The following HIP1 variants were observed in gnomAD, a reference collection of about 807,000 sequenced individuals.
HIP1 encodes the protein huntingtin interacting protein 1, also known as huntingtin-interacting protein 1.
Under a neutral mutation model 147.6 loss-of-function variants are expected in HIP1, and 65 were observed. The observed-to-expected ratio is 0.44, with a 90% CI of 0.36 to 0.54. The LOEUF (loss-of-function observed/expected upper bound fraction) is 0.54. Among genes scored for constraint, HIP1 ranks in the 20% least tolerant of loss-of-function variants. HIP1 has a pLI of 0.00. For missense variants in HIP1, 1,061 were observed against 1,299.6 expected, an observed-to-expected ratio of 0.82 and a Z score of 2.82; for synonymous variants, 479 against 504.0, an observed-to-expected ratio of 0.95 and a Z score of 0.67.
chr7:75,727,789 T>G (rs1315510461), intron 1 of HIP1, among the ~76,000 whole-genome samples: 2 of 147,404 alleles, frequency 1.4e-5, no homozygotes, highest in Non-Finnish European at 3.0e-5. Flanking sequence ...GAGGTTGCAG[T>G]GAGCTGAGAT....
intron 1 of HIP1, among the ~76,000 whole-genome samples, chr7:75,730,636 G>C (rs1801809383): frequency 6.6e-6 from 1 of 151,908 alleles, no homozygotes; most frequent in African/African-American, 2.4e-5. Context: ...ACCGTGTCCA[G>C]CCTAAAATAG....
At chr7:75,662,965 C>T (rs1218356979) in intron 1 of HIP1, among the ~76,000 whole-genome samples, 4 of 152,152 alleles carry the variant, frequency 2.6e-5, no homozygotes, top group African/African-American at 9.7e-5. Flanking sequence ...CACCGGCGAC[C>T]CATGCTGAGG....
intron 5 of HIP1, among the ~76,000 whole-genome samples, chr7:75,585,185 CTTTTT>C (rs71098036): frequency 7.5e-6 from 1 of 133,448 alleles, no homozygotes; most frequent in Non-Finnish European, 1.6e-5. Context: ...CCCAAAACGT[CTTTTT>C]TTTTTTTTTT....
chr7:75,574,976 G>A (rs369879541), intron 7 of HIP1, among the ~76,000 whole-genome samples: 13 of 151,514 alleles, frequency 8.6e-5, no homozygotes, highest in African/African-American at 3.2e-4. Context: ...TGAGCAACAT[G>A]GCAAAACCTT....
chr7:75,597,978 G>T (rs1428524624), intron 2 of HIP1, among the ~76,000 whole-genome samples: 1 of 151,950 alleles, frequency 6.6e-6, no homozygotes, highest in East Asian at 1.9e-4. Flanking sequence ...GGTGTGGTGG[G>T]CTTACAGAGG....
chr7:75,656,433 G>GA (rs34354618), intron 1 of HIP1, among the ~76,000 whole-genome samples: 72,616 of 133,778 alleles, frequency 0.54, 18,965 homozygotes, highest in African/African-American at 0.65. Flanking sequence ...TATAAACTTA[G>GA]AAAAAAAAAA....
chr7:75,632,872 T>C (rs1220415681), intron 1 of HIP1, among the ~76,000 whole-genome samples: 1 of 152,188 alleles, frequency 6.6e-6, no homozygotes, highest in East Asian at 1.9e-4. Context: ...TGGATGGAGC[T>C]GGAAGCTGTT....
chr7:75,543,050 G>C, intron 27 of HIP1, 76 bp from the exon 28 acceptor site: 1 of 1,464,836 alleles, frequency 6.8e-7, no homozygotes, highest in South Asian at 1.3e-5. Context: ...TGCTCTGATG[G>C]TTCTTAGCAA....
Position 75,539,322 on chromosome 7 carries a change from C to A in HIP1, c.3061+1G>T. ...AGTGCCCATCCTTGGAGTCAGCTTA[C>A]CTTCTTCCCAGCCCTCAGCAACACC... On this transcript the variant is annotated splice_donor_variant, in intron 30 of 30. Transcript: ENST00000336926. LOFTEE classifies it high-confidence loss of function. 2 of 1,612,426 alleles carry A rather than the reference C, an allele frequency of 1.2e-6. No individual in the cohort carries two copies. The highest frequency in any genetic ancestry group is 1.7e-6 in the Non-Finnish European group (2 of 1,178,468).
In HIP1 at chr7:75,699,972, T is replaced by A. The variant is rs1409962120; in HGVS notation, c.120+38829A>T. ...CTCAAGCGATCCTCCTGCCTCAGCTTCCCTAGTAGCTGGGATTACAGGTGC... is the reference window on the plus strand; with the variant it reads ...CTCAAGCGATCCTCCTGCCTCAGCTACCCTAGTAGCTGGGATTACAGGTGC... On this transcript the variant is annotated intron_variant, in intron 1 of 30. Transcript: ENST00000336926. Among the ~76,000 whole-genome samples the A allele has an allele frequency of 3.3e-5, 5 of 152,082 alleles. No individual in the cohort carries two copies. In the East Asian group the frequency reaches 9.6e-4, roughly 29 times the overall value.
At chr7:75,683,843 T>G (rs976615755) in intron 1 of HIP1, among the ~76,000 whole-genome samples, 1 of 152,014 alleles carries the variant, frequency 6.6e-6, no homozygotes, top group Non-Finnish European at 1.5e-5. Flanking sequence ...ACGTCCCTAA[T>G]GAAAGGTAGT....
At chr7:75,620,616 G>A (rs1463813344) in intron 1 of HIP1, among the ~76,000 whole-genome samples, 1 of 152,092 alleles carries the variant, frequency 6.6e-6, no homozygotes, top group African/African-American at 2.4e-5. Context: ...AGCCTGGGAG[G>A]CAGAGGTTGC....
chr7:75,577,304 C>T (rs1004837775), intron 7 of HIP1, among the ~76,000 whole-genome samples: 56 of 139,994 alleles, frequency 4.0e-4, no homozygotes, highest in African/African-American at 1.4e-3. Flanking sequence ...AGTACTCCAG[C>T]CTCGGCGACA....
chr7:75,581,925 A>G, intron 6 of HIP1, 150 bp downstream of exon 6: 1 of 622,392 alleles, frequency 1.6e-6, no homozygotes. Flanking sequence ...CCACCAATAA[A>G]TAAGTAGCCC....
chr7:75,660,126 AAAAAC>A (rs1235562276), intron 1 of HIP1, among the ~76,000 whole-genome samples: 6 of 151,876 alleles, frequency 4.0e-5, no homozygotes, highest in African/African-American at 1.5e-4. Context: ...CTCCGTCTCA[AAAAAC>A]AAAACAAAAC....
At chr7:75,725,887 A>G (rs976636221) in intron 1 of HIP1, among the ~76,000 whole-genome samples, 1 of 150,116 alleles carries the variant, frequency 6.7e-6, no homozygotes, top group South Asian at 2.1e-4. Context: ...CAGTGGCACA[A>G]TCTCGGCTCA....
At chr7:75,564,181 C>G (rs1795327890) in intron 9 of HIP1, among the ~76,000 whole-genome samples, 1 of 152,148 alleles carries the variant, frequency 6.6e-6, no homozygotes, top group East Asian at 1.9e-4. Flanking sequence ...CATGAGCCAC[C>G]ACATCTGGCA....
chr7:75,695,090 A>G (rs1422002373), intron 1 of HIP1, among the ~76,000 whole-genome samples: 1 of 152,066 alleles, frequency 6.6e-6, no homozygotes. Flanking sequence ...TCATTTCTTG[A>G]TTCTCCTTAT....
At chr7:75,674,447 T>G (rs1359630994) in intron 1 of HIP1, among the ~76,000 whole-genome samples, 1 of 152,200 alleles carries the variant, frequency 6.6e-6, no homozygotes, top group Admixed American at 6.6e-5. Flanking sequence ...GTTTTCTCCT[T>G]TCATCACTTT....
Sources: allele counts gnomAD v4.1 joint callset (sites outside exome capture counted in the v4.1 genomes callset), GRCh38; gene constraint gnomAD v4.1.1; transcripts MANE v1.5; gene names NCBI Gene and HGNC (gene_info 2026-07-23, HGNC 2026-07-21).